The following TMEFF2 variants were observed in gnomAD, a reference collection of about 807,000 sequenced individuals.
TMEFF2 encodes the protein tomoregulin-2.
Under a neutral mutation model 53.8 loss-of-function variants are expected in TMEFF2, and 28 were observed. The ratio of observed to expected loss-of-function variants is 0.52; its 90% CI spans 0.39 to 0.71. The LOEUF is 0.71. TMEFF2 is among the 30% of genes least tolerant of loss of function. The probability of loss-of-function intolerance (pLI) is 0.00; values close to 1 mark genes in which losing one functional copy is unlikely to be tolerated. For missense variants in TMEFF2, 353 were observed against 455.2 expected (o/e 0.78, Z 2.04); for synonymous variants, 162 against 166.3 (o/e 0.97, Z 0.20).
At chr2:191,983,826 C>T (rs956025743) in intron 7 of TMEFF2, among the ~76,000 whole-genome samples, 2 of 152,310 alleles carry the variant, frequency 1.3e-5, no homozygotes, top group Non-Finnish European at 2.9e-5. Flanking sequence ...ATATTCATTT[C>T]AAGTTTTTAG....
chr2:192,157,217 G>C (rs1414941123), intron 4 of TMEFF2, among the ~76,000 whole-genome samples: 1 of 152,036 alleles, frequency 6.6e-6, no homozygotes, highest in East Asian at 1.9e-4. Context: ...AAGTCTGACT[G>C]AGGTAAAGTG....
rs1267039214 is a variant in TMEFF2, at chr2:192,096,335, T to A, written c.440-38560A>T. Among the ~76,000 whole-genome samples, 4 of 152,280 alleles carry A rather than the reference T, an allele frequency of 2.6e-5. No homozygotes were observed. In the East Asian group the frequency reaches 7.7e-4, roughly 29 times the overall value. On this transcript the variant is annotated intron_variant, in intron 4 of 9. Coordinates refer to ENST00000272771, the MANE Select transcript of TMEFF2 (RefSeq NM_016192.4). ...GCACTAGTACAAAACAACAGACATGTGACTGTATGCTAGATTAATTTTTAG... is the reference window on the plus strand; with the variant it reads ...GCACTAGTACAAAACAACAGACATGAGACTGTATGCTAGATTAATTTTTAG...
intron 4 of TMEFF2, among the ~76,000 whole-genome samples, chr2:192,092,242 T>A (rs892192277): frequency 2.0e-4 from 30 of 152,222 alleles, no homozygotes; most frequent in Non-Finnish European, 3.5e-4. Context: ...TTTATATTGC[T>A]ACTCAGAAAC....
In TMEFF2 at chr2:191,972,221, T is replaced by C. The variant is rs563530020; in HGVS notation, c.746-15843A>G. On this transcript the variant is annotated intron_variant, in intron 7 of 9. Transcript: ENST00000272771. ...GTGCAGTGGTGCAATCTTGGCTCAC[T>C]GCAACCTCCGCCTCCCGGATTCAAG... Among the ~76,000 whole-genome samples, 323 of 149,528 alleles carry C rather than the reference T, an allele frequency of 2.2e-3. 2 individuals carry two copies. The highest frequency in any genetic ancestry group is 7.5e-3 in the African/African-American group (307 of 40,770).
At chr2:191,964,256 CCT>C (rs1491482911) in intron 7 of TMEFF2, among the ~76,000 whole-genome samples, 4 of 16,530 alleles carry the variant, frequency 2.4e-4, no homozygotes, top group Non-Finnish European at 5.2e-4. Flanking sequence ...TTCCTTCCTT[CCT>C]CCTTTCTTTT....
At chr2:192,066,271 G>A (rs997868302) in intron 4 of TMEFF2, among the ~76,000 whole-genome samples, 3 of 151,696 alleles carry the variant, frequency 2.0e-5, no homozygotes, top group African/African-American at 7.2e-5. Flanking sequence ...GTGCAGTAAC[G>A]TGTTCAGATT....
At chr2:192,130,742 T>G (rs549872590) in intron 4 of TMEFF2, among the ~76,000 whole-genome samples, 256 of 152,082 alleles carry the variant, frequency 1.7e-3, no homozygotes, top group African/African-American at 5.2e-3. Context: ...TCAGCCCGCC[T>G]GCACCCAGGT....
chr2:192,154,651 A>T (rs1156866748), intron 4 of TMEFF2, among the ~76,000 whole-genome samples: 1 of 152,008 alleles, frequency 6.6e-6, no homozygotes, highest in Non-Finnish European at 1.5e-5. Context: ...AAAAGCTTCC[A>T]TAATGCTTAT....
At chr2:192,077,236 T>G (rs1688453371) in intron 4 of TMEFF2, among the ~76,000 whole-genome samples, 1 of 152,132 alleles carries the variant, frequency 6.6e-6, no homozygotes, top group Non-Finnish European at 1.5e-5. Context: ...ATTCAAACCC[T>G]TAAGGTTATG....
At chr2:192,188,885 G>A (rs137961486) in intron 2 of TMEFF2, among the ~76,000 whole-genome samples, 51 of 137,268 alleles carry the variant, frequency 3.7e-4, no homozygotes, top group Admixed American at 5.2e-4. Flanking sequence ...CTATCTATCT[G>A]TCCATCTACT....
At chr2:192,105,895 A>G (rs1316178664) in intron 4 of TMEFF2, among the ~76,000 whole-genome samples, 2 of 151,916 alleles carry the variant, frequency 1.3e-5, no homozygotes, top group Non-Finnish European at 2.9e-5. Flanking sequence ...GGTGCTTAAC[A>G]CAGTCACTAT....
chr2:192,078,821 A>G (rs1432286930), intron 4 of TMEFF2, among the ~76,000 whole-genome samples: 1 of 152,226 alleles, frequency 6.6e-6, no homozygotes, highest in Non-Finnish European at 1.5e-5. Flanking sequence ...AAGAGCACAC[A>G]TGACACTCAC....
At chr2:192,142,604 T>G (rs903089270) in intron 4 of TMEFF2, among the ~76,000 whole-genome samples, 1 of 152,158 alleles carries the variant, frequency 6.6e-6, no homozygotes, top group Admixed American at 6.6e-5. Context: ...TGGAATTATG[T>G]AAAATTCTCT....
In TMEFF2 at chr2:192,068,196, A is replaced by G. The variant is rs369009202; in HGVS notation, c.440-10421T>C. Among the ~76,000 whole-genome samples, 27 of 151,964 alleles carry G rather than the reference A, an allele frequency of 1.8e-4. No individual in the cohort carries two copies. The East Asian group carries it at 5.0e-3, about 28-fold the overall frequency. On this transcript the variant is annotated intron_variant, in intron 4 of 9. Coordinates refer to ENST00000272771, the MANE Select transcript of TMEFF2 (RefSeq NM_016192.4). Reference sequence around the variant, plus strand: ...GGAGGATGTGTGACTTTGCTTTGCAACCTCTAAATTGCTCTGCCACTCTAA... The same window carrying G: ...GGAGGATGTGTGACTTTGCTTTGCAGCCTCTAAATTGCTCTGCCACTCTAA...
intron 4 of TMEFF2, among the ~76,000 whole-genome samples, chr2:192,113,248 T>C (rs944338268): frequency 3.9e-5 from 6 of 152,202 alleles, no homozygotes; most frequent in Admixed American, 6.6e-5. Flanking sequence ...AGTTGTATTA[T>C]TCTTCTCCCA....
At chr2:192,012,183 G>A (rs148321165) in intron 5 of TMEFF2, among the ~76,000 whole-genome samples, 212 of 152,240 alleles carry the variant, frequency 1.4e-3, no homozygotes, top group African/African-American at 4.8e-3. Flanking sequence ...GATTACAGGC[G>A]TGAGCCACTG....
rs147923084 is a variant in TMEFF2, at chr2:192,131,824, A to G, written c.439+47844T>C. Among the ~76,000 whole-genome samples, 1,423 of 152,204 alleles carry G rather than the reference A, an allele frequency of 9.3e-3. 16 individuals carry two copies. The highest frequency in any genetic ancestry group is 0.011 in the Non-Finnish European group (738 of 68,010). ...TCTTGTGCAATGCCGCTTGACCCCA[A>G]TACAAACTCGACAGTAGTTCCAAAT... is the stretch of plus-strand genomic sequence containing the variant. On this transcript the variant is annotated intron_variant, in intron 4 of 9. Transcript: ENST00000272771.
chr2:192,003,435 T>C (rs1483099777), intron 5 of TMEFF2, among the ~76,000 whole-genome samples: 1 of 152,214 alleles, frequency 6.6e-6, no homozygotes, highest in Non-Finnish European at 1.5e-5. Flanking sequence ...AAATAGGATT[T>C]GAAAACCAAG....
At chr2:192,133,489 T>A (rs1689911667) in intron 4 of TMEFF2, among the ~76,000 whole-genome samples, 1 of 152,172 alleles carries the variant, frequency 6.6e-6, no homozygotes, top group Admixed American at 6.5e-5. Flanking sequence ...CTATAAACTC[T>A]CCTTACAATT....
Sources: allele counts gnomAD v4.1 joint callset (sites outside exome capture counted in the v4.1 genomes callset), GRCh38; gene constraint gnomAD v4.1.1; transcripts MANE v1.5; gene names NCBI Gene and HGNC (gene_info 2026-07-23, HGNC 2026-07-21).